Variants in EFNA5 observed in about 807,000 individuals in gnomAD.
EFNA5 encodes ephrin A5.
In EFNA5, 5 loss-of-function variants were observed where a neutral mutation model predicts 22.9. The observed-to-expected ratio is 0.22, with a 90% CI of 0.11 to 0.46. The LOEUF (loss-of-function observed/expected upper bound fraction) is 0.46. Ranked by LOEUF, EFNA5 falls within the 20% of genes least tolerant of loss-of-function variation. The pLI, the probability that EFNA5 is intolerant of heterozygous loss-of-function variation, is 0.99. For synonymous variants in EFNA5, 113 were observed against 112.2 expected (o/e 1.01, Z -0.04); for missense variants, 237 against 293.3 (o/e 0.81, Z 1.40).
chr5:107,437,327 C>T (rs1462814930), intron 1 of EFNA5, among the ~76,000 whole-genome samples: 1 of 152,138 alleles, frequency 6.6e-6, no homozygotes, highest in Non-Finnish European at 1.5e-5. Context: ...GTGGCTGTTT[C>T]TATGGAAATT....
intron 1 of EFNA5, among the ~76,000 whole-genome samples, chr5:107,568,207 C>T (rs1481494619): frequency 6.6e-6 from 1 of 152,116 alleles, no homozygotes; most frequent in Non-Finnish European, 1.5e-5. Context: ...TATATTCAAG[C>T]TTTATACAAA....
At position 107,465,106 on chromosome 5, in the gene EFNA5, G is replaced by A. The variant is rs551919550; in HGVS notation, c.126-37597C>T. Among the ~76,000 whole-genome samples the A allele has an allele frequency of 2.0e-3, 294 of 150,588 alleles. 1 individual carries two copies. The highest frequency in any genetic ancestry group is 6.1e-3 in the African/African-American group (250 of 40,918). ...GAAAAACAATTCAAGGGAAGTTTCC[G>A]AACCACTGCTTTTCCTTAGGCCAAT... On this transcript the variant is annotated intron_variant, in intron 1 of 4. Coordinates refer to ENST00000333274, the MANE Select transcript of EFNA5 (RefSeq NM_001962.3).
intron 1 of EFNA5, among the ~76,000 whole-genome samples, chr5:107,570,980 T>C (rs1325023850): frequency 2.6e-5 from 4 of 152,238 alleles, no homozygotes; most frequent in Non-Finnish European, 4.4e-5. Flanking sequence ...AGCTCAGTGA[T>C]TTCACATTCC....
chr5:107,596,804 T>C (rs1749481728), intron 1 of EFNA5, among the ~76,000 whole-genome samples: 3 of 152,220 alleles, frequency 2.0e-5, no homozygotes. Flanking sequence ...ATACTGAAAA[T>C]TCTATTTTTG....
intron 1 of EFNA5, among the ~76,000 whole-genome samples, chr5:107,628,556 C>T (rs976171884): frequency 6.6e-6 from 1 of 152,054 alleles, no homozygotes; most frequent in Non-Finnish European, 1.5e-5. Flanking sequence ...AGACTATAAG[C>T]TAGACATAGT....
chr5:107,387,261 T>G lies in EFNA5; in HGVS notation c.539A>C (p.Lys180Thr). Residue 180 changes from lysine (K) to threonine (T), a missense_variant, in exon 4 of 5, where the codon AAA (lysine) becomes ACA (threonine). By Grantham distance (78) the Lys-to-Thr change is moderately conservative. Coordinates refer to ENST00000333274, the MANE Select transcript of EFNA5 (RefSeq NM_001962.3). ...TGCTGGTTCTAATGAATTTTCTACT[T>G]TGTCGTTAACATCGAAAACACGATC... ...VHDRVFDVND[K>T]VENSLEPADD... 1 of 1,605,866 alleles carries G rather than the reference T, an allele frequency of 6.2e-7. No homozygotes were observed. The highest frequency in any genetic ancestry group is 1.1e-5 in the South Asian group (1 of 89,784).
chr5:107,412,415 T>TG (rs1434254480), intron 2 of EFNA5, among the ~76,000 whole-genome samples: 1 of 152,220 alleles, frequency 6.6e-6, no homozygotes, highest in East Asian at 1.9e-4. Context: ...GAAAGCACTT[T>TG]GGCAGTCAAT....
At position 107,657,399 on chromosome 5, in the gene EFNA5, G is replaced by A. The variant is rs115788385; in HGVS notation, c.125+13090C>T. ...CTATGAGAATCATAAAACTGGAAAC[G>A]CTAAGTGCTTGTCACCCCCAAATTC... On this transcript the variant is annotated intron_variant, in intron 1 of 4. Transcript: ENST00000333274. Among the ~76,000 whole-genome samples, 1,024 of 152,144 alleles carry A rather than the reference G, an allele frequency of 6.7e-3. 14 individuals are homozygous for A. The highest frequency in any genetic ancestry group is 0.022 in the African/African-American group (925 of 41,526).
At chr5:107,450,915 C>T (rs149444) in intron 1 of EFNA5, among the ~76,000 whole-genome samples, 36,210 of 152,098 alleles carry the variant, frequency 0.24, 4,676 homozygotes, top group East Asian at 0.54. Flanking sequence ...GGCTTTTCAT[C>T]GTCTTTAGAC....
intron 1 of EFNA5, among the ~76,000 whole-genome samples, chr5:107,623,841 A>C (rs1750091150): frequency 6.6e-6 from 1 of 152,142 alleles, no homozygotes; most frequent in South Asian, 2.1e-4. Flanking sequence ...TTTGTGGTAA[A>C]GACTTATAGG....
intron 1 of EFNA5, among the ~76,000 whole-genome samples, chr5:107,599,205 C>T (rs1030354130): frequency 5.3e-5 from 8 of 152,112 alleles, no homozygotes; most frequent in Admixed American, 1.3e-4. Context: ...ATACTGCAAA[C>T]GATCCAAGGG....
At chr5:107,627,033 C>G (rs1387924818) in intron 1 of EFNA5, among the ~76,000 whole-genome samples, 2 of 152,198 alleles carry the variant, frequency 1.3e-5, no homozygotes, top group Non-Finnish European at 2.9e-5. Context: ...AATTCCTTAA[C>G]AGGAACTGTT....
intron 4 of EFNA5, 94 bp downstream of exon 4, chr5:107,387,141 C>T: frequency 2.5e-6 from 2 of 798,256 alleles, no homozygotes; most frequent in East Asian, 5.4e-5. Flanking sequence ...ACAACTATAA[C>T]ATGCAAACAT....
chr5:107,662,548 T>G (rs1750983993), intron 1 of EFNA5, among the ~76,000 whole-genome samples: 1 of 152,130 alleles, frequency 6.6e-6, no homozygotes, highest in South Asian at 2.1e-4. Context: ...ACAGAAAATA[T>G]AGCAGTCAGT....
chr5:107,605,805 G>A (rs1561447401), intron 1 of EFNA5, among the ~76,000 whole-genome samples: 1 of 152,026 alleles, frequency 6.6e-6, no homozygotes, highest in Non-Finnish European at 1.5e-5. Flanking sequence ...CTTCAATATT[G>A]TCCTCAATAA....
intron 1 of EFNA5, among the ~76,000 whole-genome samples, chr5:107,640,029 T>C (rs184748919): frequency 3.9e-5 from 6 of 152,290 alleles, no homozygotes; most frequent in African/African-American, 1.2e-4. Flanking sequence ...AGGTCAGTAT[T>C]TGAAAATAGG....
chr5:107,512,111 T>C (rs1171518844), intron 1 of EFNA5, among the ~76,000 whole-genome samples: 1 of 152,170 alleles, frequency 6.6e-6, no homozygotes, highest in Non-Finnish European at 1.5e-5. Flanking sequence ...AAAAGAGACT[T>C]CAAATGGTGG....
intron 2 of EFNA5, among the ~76,000 whole-genome samples, chr5:107,402,496 G>T (rs1396762766): frequency 6.6e-6 from 1 of 152,160 alleles, no homozygotes; most frequent in Non-Finnish European, 1.5e-5. Flanking sequence ...TTTACAGTCT[G>T]AAAGATGTAA....
chr5:107,429,409 G>T (rs988008336), intron 1 of EFNA5, among the ~76,000 whole-genome samples: 4 of 152,220 alleles, frequency 2.6e-5, no homozygotes, highest in African/African-American at 9.7e-5. Flanking sequence ...TCACGCCACT[G>T]CACTCCAGCC....
Sources: allele counts gnomAD v4.1 joint callset (sites outside exome capture counted in the v4.1 genomes callset), GRCh38; gene constraint gnomAD v4.1.1; transcripts MANE v1.5; gene names NCBI Gene and HGNC (gene_info 2026-07-23, HGNC 2026-07-21).